SLITRK2: variants seen among roughly 807,000 people sequenced by gnomAD.
SLITRK2 encodes SLIT and NTRK like family member 2.
Under a neutral mutation model 35.4 loss-of-function variants are expected in SLITRK2, and 13 were observed. That is an observed-to-expected ratio of 0.37 (90% CI 0.24 to 0.58). The LOEUF (loss-of-function observed/expected upper bound fraction) is 0.58. Among genes scored for constraint, SLITRK2 ranks in the 20% least tolerant of loss-of-function variants. The probability of loss-of-function intolerance (pLI) is 0.75; values close to 1 mark genes in which losing one functional copy is unlikely to be tolerated. For synonymous variants in SLITRK2, 294 were observed against 264.7 expected (o/e 1.11, Z -1.07); for missense variants, 471 against 634.3 (o/e 0.74, Z 2.76).
In SLITRK2 at chrX:145,822,873, G is replaced by C. The variant is rs1556943977; in HGVS notation, c.448G>C (p.Glu150Gln). 6.6e-6 allele frequency: 8 copies of C among 1,208,936 alleles called. 1 individual carries two copies. Among genetic ancestry groups the C allele is most frequent in the African/African-American group, 1.8e-5 (1 of 56,789 alleles). Reference sequence around the variant, plus strand: ...CGACTACAATTACATCAGTGCCATCGAGGCTGGGGCATTCAGCAAACTTAA... The same window carrying C: ...CGACTACAATTACATCAGTGCCATCCAGGCTGGGGCATTCAGCAAACTTAA... ...QADYNYISAIEAGAFSKLNKL... is the reference protein window; with the variant it reads ...QADYNYISAIQAGAFSKLNKL... Residue 150 changes from glutamate (E) to glutamine (Q), a missense_variant, in exon 5 of 5, where the codon GAG becomes CAG. Glu to Gln is a conservative substitution (Grantham distance 29). This residue lies in a region of SLITRK2 where 98 missense variants were observed against 120.6 expected (regional missense o/e 0.81). Coordinates refer to ENST00000335565, the MANE Select transcript of SLITRK2 (RefSeq NM_032539.5).
In SLITRK2 at chrX:145,828,067, C is replaced by T. The variant is rs990347027; in HGVS notation, c.*3104C>T. On this transcript the variant is annotated 3_prime_UTR_variant, in exon 5 of 5. Transcript: ENST00000335565. ...CTTAATTAGTTGCTTTCACTATTTC[C>T]GAATATACCTGTGGCTAAGTTTTTA... is the stretch of plus-strand genomic sequence containing the variant. 22 of 1,017,138 alleles carry T rather than the reference C, an allele frequency of 2.2e-5. No individual in the cohort carries two copies. The highest frequency in any genetic ancestry group is 1.5e-4 in the South Asian group (6 of 39,286). The allele number at this position is 1,017,138 out of a possible 1,213,427, so 83.8% of individuals were successfully genotyped here.
rs2073137544 is a variant in SLITRK2 at position 145,827,586 on chromosome X, C to G, written c.*2623C>G. Reference sequence around the variant, plus strand: ...CTGAGAGAACTCAAATTTATAAACTCTGTTGCCTAATAATTATGGTTTAAT... The same window carrying G: ...CTGAGAGAACTCAAATTTATAAACTGTGTTGCCTAATAATTATGGTTTAAT... On this transcript the variant is annotated 3_prime_UTR_variant, in exon 5 of 5. Coordinates refer to ENST00000335565, the MANE Select transcript of SLITRK2 (RefSeq NM_032539.5). 3.6e-6 allele frequency: 3 copies of G among 842,688 alleles called. No individual in the cohort carries two copies. The highest frequency in any genetic ancestry group is 4.2e-5 in the African/African-American group (2 of 47,897). 69.4% of individuals were successfully genotyped at this position (842,688 alleles called of 1,213,427 possible).
intron 1 of SLITRK2, chrX:145,820,036 A>T (rs1569505735): frequency 1.8e-5 from 2 of 112,175 alleles, no homozygotes; most frequent in East Asian, 5.6e-4. Context: ...AGGCTTAACA[A>T]GGAAGGAGAA....
Position 145,822,419 on chromosome X carries a change from C to G in SLITRK2, c.-7C>G, listed in dbSNP as rs979034885. 1 of 1,198,692 alleles carries G rather than the reference C, an allele frequency of 8.3e-7. No homozygotes were observed. The highest frequency in any genetic ancestry group is 1.1e-6 in the Non-Finnish European group (1 of 889,216). On this transcript the variant is annotated 5_prime_UTR_variant, in exon 5 of 5. Transcript: ENST00000335565. The stretch of plus-strand genomic sequence containing the variant: ...GGTACCTGAGTTGACACCGAAGGTG[C>G]CTAAAGATGCTGAGCGGCGTTTGGT...
chrX:145,825,879 AATC>A lies in SLITRK2; in HGVS notation c.*919_*921del, dbSNP rs2073120203. ...ATTGAGCAATTAATGCCCTTCCATAAATCATTATTTTACACTAACATGGTGAGT... is the reference window on the plus strand; with the variant it reads ...ATTGAGCAATTAATGCCCTTCCATAAATTATTTTACACTAACATGGTGAGT... On this transcript the variant is annotated 3_prime_UTR_variant, in exon 5 of 5. Coordinates refer to ENST00000335565, the MANE Select transcript of SLITRK2 (RefSeq NM_032539.5). 2 of 121,817 alleles carry A rather than the reference AATC, an allele frequency of 1.6e-5. No homozygotes were observed. The allele number at this position is 121,817 out of a possible 1,213,427, so 10.0% of individuals were successfully genotyped here. A position where few individuals can be genotyped will look rare whatever the true frequency, so the allele number is the denominator to read the frequency against.
rs1350384057 is a variant in SLITRK2 at position 145,826,137 on chromosome X, G to T, written c.*1174G>T. 1 of 111,495 alleles carries T rather than the reference G, an allele frequency of 9.0e-6. No homozygotes were observed. Among genetic ancestry groups the T allele is most frequent in the African/African-American group, 3.3e-5 (1 of 30,690 alleles). 9.2% of individuals were successfully genotyped at this position (111,495 alleles called of 1,213,427 possible). A position where few individuals can be genotyped will look rare whatever the true frequency, so the allele number is the denominator to read the frequency against. Reference sequence around the variant, plus strand: ...ATATGAGCCATTAAAGACCTCGAAGGAAGACTTCATGGGTGAGATTAAAAC... The same window carrying T: ...ATATGAGCCATTAAAGACCTCGAAGTAAGACTTCATGGGTGAGATTAAAAC... On this transcript the variant is annotated 3_prime_UTR_variant, in exon 5 of 5. Coordinates refer to ENST00000335565, the MANE Select transcript of SLITRK2 (RefSeq NM_032539.5).
rs2124205662 is a variant in SLITRK2, at chrX:145,824,554, C to T, written c.2129C>T (p.Ala710Val). The change falls in exon 5 of 5, where the codon GCC becomes GTC. Residue 710 changes from alanine (A) to valine (V), a missense_variant. By Grantham distance (64) the Ala-to-Val change is moderately conservative (BLOSUM62 0). Coordinates refer to ENST00000335565, the MANE Select transcript of SLITRK2 (RefSeq NM_032539.5). ...ATGCAGAAGGAAGGAGACCCAGTAG[C>T]CTATTACCGAAACCTGCAAGAGTTC... ...IYMQKEGDPV[A>V]YYRNLQEFSY... is the part of the protein sequence containing the mutation. 2 of 1,210,327 alleles carry T rather than the reference C, an allele frequency of 1.7e-6. No individual in the cohort carries two copies. Among genetic ancestry groups the T allele is most frequent in the Non-Finnish European group, 2.2e-6 (2 of 895,188 alleles).
intron 1 of SLITRK2, chrX:145,819,068 T>C (rs782693943): frequency 1.8e-5 from 2 of 111,327 alleles, no homozygotes; most frequent in Non-Finnish European, 3.8e-5. Flanking sequence ...TACCCATGAA[T>C]TTCCTTGATT....
Position 145,823,135 on chromosome X carries a change from T to C in SLITRK2, c.710T>C (p.Phe237Ser), listed in dbSNP as rs782313708. 8.3e-7 allele frequency: 1 copy of C among 1,211,553 alleles called. No homozygotes were observed. Among genetic ancestry groups the C allele is most frequent in the Non-Finnish European group, 1.1e-6 (1 of 895,496 alleles). ...LKAWLDTITVFVGEIVCETPF... is the reference protein window; with the variant it reads ...LKAWLDTITVSVGEIVCETPF... ...GCCTGGCTAGACACCATAACTGTTT[T>C]TGTGGGAGAGATTGTCTGTGAGACT... The change falls in exon 5 of 5, where the codon TTT (phenylalanine) becomes TCT (serine). Residue 237 changes from phenylalanine (F) to serine (S), a missense_variant. Physicochemically the swap from Phe to Ser is radical, Grantham distance 155 (BLOSUM62 -2). Transcript: ENST00000335565.
In SLITRK2 at chrX:145,822,706, G is replaced by C. The variant is rs782184104; in HGVS notation, c.281G>C (p.Gly94Ala). ...TCCAACGCGGTGACTCTTCACCTAG[G>C]TAACAACGGGTTACAGGAGATCCGA... ...NYSNAVTLHL[G>A]NNGLQEIRTG... Residue 94 changes from glycine to alanine, a missense_variant, in exon 5 of 5, where the codon GGT becomes GCT. Coordinates refer to ENST00000335565, the MANE Select transcript of SLITRK2 (RefSeq NM_032539.5). The C allele has an allele frequency of 1.7e-6, 2 of 1,211,066 alleles. No individual in the cohort carries two copies. The highest frequency in any genetic ancestry group is 1.8e-5 in the South Asian group (1 of 56,920).
rs782515564 is a variant in SLITRK2 at position 145,823,733 on chromosome X, A to G, written c.1308A>G (p.Glu436=). 4.1e-6 allele frequency: 5 copies of G among 1,211,837 alleles called. No individual in the cohort carries two copies. Among genetic ancestry groups the G allele is most frequent in the Non-Finnish European group, 5.6e-6 (5 of 895,476 alleles). Residue 436 remains glutamate (E), a synonymous_variant, in exon 5 of 5, where the codon GAA becomes GAG. Transcript: ENST00000335565. ...TTTATCTGAATGGCAATTACCTTGA[A>G]GTGCTGTACCCTTCTATGTTTGATG... ...RRLYLNGNYL[E]VLYPSMFDGL... is the part of the protein sequence containing the mutation.
chrX:145,827,669 A>G lies in SLITRK2; in HGVS notation c.*2706A>G. 1.9e-6 allele frequency: 2 copies of G among 1,077,478 alleles called. No individual in the cohort carries two copies. Among genetic ancestry groups the G allele is most frequent in the Non-Finnish European group, 2.5e-6 (2 of 809,372 alleles). The allele number at this position is 1,077,478 out of a possible 1,213,427, so 88.8% of individuals were successfully genotyped here. ...AATTTGCAGTAGATTTTTAAATGAA[A>G]TTATTTGAATGTATTCCAGACTATT... is the stretch of plus-strand genomic sequence containing the variant. On this transcript the variant is annotated 3_prime_UTR_variant, in exon 5 of 5. Transcript: ENST00000335565.
At position 145,823,253 on chromosome X, in the gene SLITRK2, C is replaced by A. The variant is rs2124169188; in HGVS notation, c.828C>A (p.Ser276Arg). ...CCAGTGATTCCAGTCAGAGGGGCAG[C>A]CATGCTGACACCCACGTCCAAAGGC... ...KSASDSSQRG[S>R]HADTHVQRLS... is the part of the protein sequence containing the mutation. The change falls in exon 5 of 5, where the codon AGC becomes AGA. Residue 276 changes from serine to arginine, a missense_variant. Physicochemically the swap from Ser to Arg is moderately radical, Grantham distance 110 (BLOSUM62 -1). This residue lies in a region of SLITRK2 where 56 missense variants were observed against 48.7 expected (regional missense o/e 1.15). Coordinates refer to ENST00000335565, the MANE Select transcript of SLITRK2 (RefSeq NM_032539.5). 8.3e-7 allele frequency: 1 copy of A among 1,211,774 alleles called. No homozygotes were observed. The highest frequency in any genetic ancestry group is 1.1e-6 in the Non-Finnish European group (1 of 895,475).
Position 145,822,377 on chromosome X carries a change from C to T in SLITRK2, c.-43-6C>T, listed in dbSNP as rs371988805. On this transcript the variant is annotated splice_region_variant and splice_polypyrimidine_tract_variant and intron_variant, in intron 4 of 4. Coordinates refer to ENST00000335565, the MANE Select transcript of SLITRK2 (RefSeq NM_032539.5). ...CACCCGCTTCTTCCCCCTGCCCCCA[C>T]CTAAGGTTTGCCTGTAGGTACCTGA... 16 of 1,131,340 alleles carry T rather than the reference C, an allele frequency of 1.4e-5. No individual in the cohort carries two copies. The African/African-American group carries it at 2.9e-4, about 21-fold the overall frequency. The allele number at this position is 1,131,340 out of a possible 1,213,427, so 93.2% of individuals were successfully genotyped here.
chrX:145,824,680 C>T lies in SLITRK2; in HGVS notation c.2255C>T (p.Pro752Leu), dbSNP rs2124209520. ...GAAAAGCAGGCCACACCAAGAGAGC[C>T]TGAGCTGCTGTATCAAAATATTGCT... ...LLEKQATPRE[P>L]ELLYQNIAER... Residue 752 changes from proline (P) to leucine (L), a missense_variant, in exon 5 of 5, where the codon CCT becomes CTT. Pro to Leu is a moderately conservative substitution (Grantham distance 98). Coordinates refer to ENST00000335565, the MANE Select transcript of SLITRK2 (RefSeq NM_032539.5). 2 of 1,211,682 alleles carry T rather than the reference C, an allele frequency of 1.7e-6. No homozygotes were observed. Among genetic ancestry groups the T allele is most frequent in the Non-Finnish European group, 2.2e-6 (2 of 895,556 alleles).
chrX:145,826,028 AAATT>A lies in SLITRK2; in HGVS notation c.*1069_*1072del, dbSNP rs1457758117. ...GTCTGTATTTCTAACTTTTTAATTG[AAATT>A]AATATTTTTTCTGCCTATTGAAACA... On this transcript the variant is annotated 3_prime_UTR_variant, in exon 5 of 5. Transcript: ENST00000335565. 2 of 111,546 alleles carry A rather than the reference AAATT, an allele frequency of 1.8e-5. No homozygotes were observed. The highest frequency in any genetic ancestry group is 3.8e-5 in the Non-Finnish European group (2 of 53,107). 9.2% of individuals were successfully genotyped at this position (111,546 alleles called of 1,213,427 possible).
In SLITRK2 at chrX:145,829,496, C is replaced by G. The variant is rs2073154949; in HGVS notation, c.*4533C>G. The G allele has an allele frequency of 8.1e-6, 1 of 122,881 alleles. No homozygotes were observed. Among genetic ancestry groups the G allele is most frequent in the South Asian group, 3.7e-4 (1 of 2,682 alleles). 10.1% of individuals were successfully genotyped at this position (122,881 alleles called of 1,213,427 possible). ...GCTATCAAGCAATGCTATCATAGCACAGTAGCAGTCCTGAACAGTCTGAGC... is the reference window on the plus strand; with the variant it reads ...GCTATCAAGCAATGCTATCATAGCAGAGTAGCAGTCCTGAACAGTCTGAGC... On this transcript the variant is annotated 3_prime_UTR_variant, in exon 5 of 5. Coordinates refer to ENST00000335565, the MANE Select transcript of SLITRK2 (RefSeq NM_032539.5).
rs2124162775 is a variant in SLITRK2 at position 145,823,014 on chromosome X, C to G, written c.589C>G (p.Pro197Ala). Residue 197 changes from proline (P) to alanine (A), a missense_variant, in exon 5 of 5, where the codon CCT (proline) becomes GCT (alanine). Pro to Ala is a conservative substitution (Grantham distance 27). This residue lies in a region of SLITRK2 where 15 missense variants were observed against 45.7 expected (regional missense o/e 0.33). Transcript: ENST00000335565. ...DLRGNRLKVM[P>A]FAGVLEHIGG... ...CAGGGGGAATAGGCTAAAAGTAATG[C>G]CTTTTGCTGGCGTCCTTGAACATAT... is the stretch of plus-strand genomic sequence containing the variant. The G allele has an allele frequency of 8.3e-7, 1 of 1,211,548 alleles. No homozygotes were observed. The highest frequency in any genetic ancestry group is 1.1e-6 in the Non-Finnish European group (1 of 895,431).
At chrX:145,820,266 C>T (rs1181778768) in intron 1 of SLITRK2, 2 of 112,290 alleles carry the variant, frequency 1.8e-5, no homozygotes, top group African/African-American at 6.5e-5. Context: ...TTCCAGGCAA[C>T]AGCAGACATT....
Sources: gnomAD v4.1 joint callset for allele counts on GRCh38, gnomAD v4.1.1 for gene constraint, gnomAD v4.1.1 regional missense constraint, MANE v1.5 for transcripts, NCBI Gene and HGNC (gene_info 2026-07-23, HGNC 2026-07-21) for gene names.